TNR: variants seen among roughly 807,000 people sequenced by gnomAD.
TNR encodes tenascin-R.
TNR carries 45 observed loss-of-function variants against 150.4 expected under a neutral mutation model. That is an observed-to-expected ratio of 0.30 (90% confidence interval 0.24 to 0.38). The LOEUF is 0.38. TNR is among the 10% of genes least tolerant of loss of function. The pLI is 1.00. For missense variants in TNR, 1,544 were observed against 1,759.1 expected (o/e 0.88, Z 2.19); for synonymous variants, 687 against 678.4 (o/e 1.01, Z -0.20).
At chr1:175,503,706 G>A (rs772953524) in intron 2 of TNR, among the ~76,000 whole-genome samples, 2 of 152,156 alleles carry the variant, frequency 1.3e-5, no homozygotes, top group Non-Finnish European at 2.9e-5. Flanking sequence ...CTCCATTCAC[G>A]GAGCCGTGGA....
chr1:175,723,391 A>G (rs529265110), intron 1 of TNR, among the ~76,000 whole-genome samples: 7 of 152,294 alleles, frequency 4.6e-5, no homozygotes, highest in African/African-American at 9.6e-5. Flanking sequence ...ATCTCCACTC[A>G]GTCTCCAAAT....
At chr1:175,627,019 G>A (rs1334941392) in intron 1 of TNR, among the ~76,000 whole-genome samples, 1 of 152,168 alleles carries the variant, frequency 6.6e-6, no homozygotes, top group Non-Finnish European at 1.5e-5. Flanking sequence ...TCCTTCAGAG[G>A]AACCTAGATC....
rs1239351795 is a variant in TNR at position 175,393,867 on chromosome 1, A to T, written c.1269T>A (p.Phe423Leu). Reference protein sequence around the residue: ...THLSTPQGLQFKTITETTVEV... With the variant: ...THLSTPQGLQLKTITETTVEV... ...CCACGGTGGTCTCTGTGATCGTCTTAAATTGTAGCCCTTGAGGAGTGGAGA... is the reference window on the plus strand; with the variant it reads ...CCACGGTGGTCTCTGTGATCGTCTTTAATTGTAGCCCTTGAGGAGTGGAGA... The change falls in exon 6 of 23, where the codon TTT becomes TTA. Residue 423 changes from phenylalanine (F) to leucine (L), a missense_variant. Transcript: ENST00000367674. 6.2e-7 allele frequency: 1 copy of T among 1,614,194 alleles called. No homozygotes were observed. The highest frequency in any genetic ancestry group is 1.1e-5 in the South Asian group (1 of 91,086).
At chr1:175,460,384 G>T (rs1207194993) in intron 2 of TNR, among the ~76,000 whole-genome samples, 1 of 151,940 alleles carries the variant, frequency 6.6e-6, no homozygotes, top group African/African-American at 2.4e-5. Context: ...GCCACAGGAG[G>T]TCCCTCACTC....
At chr1:175,424,862 C>A (rs182282732) in intron 2 of TNR, among the ~76,000 whole-genome samples, 1 of 152,006 alleles carries the variant, frequency 6.6e-6, no homozygotes, top group African/African-American at 2.4e-5. Flanking sequence ...GTCTGGAGCA[C>A]GTGCTCAGAA....
At chr1:175,412,890 T>C (rs1275898373) in intron 2 of TNR, among the ~76,000 whole-genome samples, 1 of 152,228 alleles carries the variant, frequency 6.6e-6, no homozygotes, top group East Asian at 1.9e-4. Context: ...TAAGCTCATG[T>C]CACTTAATTA....
rs778578178 is a variant in TNR, at chr1:175,355,454, T to C, written c.3249+49A>G. On this transcript the variant is annotated intron_variant, in intron 17 of 22. Coordinates refer to ENST00000367674, the MANE Select transcript of TNR (RefSeq NM_003285.3). ...GTCACTCCACTAGTCAGTTTCCACA[T>C]GGCCTCACTTGGAAGAAATGGTCTT... 1.3e-5 allele frequency: 20 copies of C among 1,599,588 alleles called. No individual in the cohort carries two copies. The East Asian group carries it at 2.9e-4, about 23-fold the overall frequency.
intron 2 of TNR, among the ~76,000 whole-genome samples, chr1:175,415,538 C>T (rs1055754836): frequency 6.6e-6 from 1 of 152,242 alleles, no homozygotes; most frequent in Admixed American, 6.5e-5. Flanking sequence ...TGATGTATCC[C>T]CATGTGGGAA....
chr1:175,467,697 G>A (rs10912985), intron 2 of TNR, among the ~76,000 whole-genome samples: 81,609 of 151,874 alleles, frequency 0.54, 22,339 homozygotes, highest in East Asian at 0.66. Flanking sequence ...GATATCACAG[G>A]GCACAGAGGG....
chr1:175,395,507 T>C (rs1159965887), intron 5 of TNR, among the ~76,000 whole-genome samples: 1 of 152,160 alleles, frequency 6.6e-6, no homozygotes, highest in African/African-American at 2.4e-5. Context: ...TCATACCTCA[T>C]CTCCTTTGAA....
At chr1:175,341,687 C>T (rs1478761241) in intron 18 of TNR, among the ~76,000 whole-genome samples, 1 of 152,218 alleles carries the variant, frequency 6.6e-6, no homozygotes, top group Non-Finnish European at 1.5e-5. Context: ...TGGCAAGTGT[C>T]TGTCCACTTT....
At chr1:175,472,616 C>T (rs189292025) in intron 2 of TNR, among the ~76,000 whole-genome samples, 161 of 152,300 alleles carry the variant, frequency 1.1e-3, no homozygotes, top group Middle Eastern at 3.4e-3. Flanking sequence ...CTCTTATAAT[C>T]GTATGGGACC....
At chr1:175,668,593 G>T (rs767442900) in intron 1 of TNR, among the ~76,000 whole-genome samples, 2 of 152,118 alleles carry the variant, frequency 1.3e-5, no homozygotes, top group East Asian at 3.8e-4. Context: ...TGGCTGTCAC[G>T]AATACTGACA....
At chr1:175,726,744 C>T (rs372076539) in intron 1 of TNR, among the ~76,000 whole-genome samples, 1 of 152,144 alleles carries the variant, frequency 6.6e-6, no homozygotes, top group African/African-American at 2.4e-5. Flanking sequence ...AATGTGATCA[C>T]AAATTATTGC....
intron 1 of TNR, among the ~76,000 whole-genome samples, chr1:175,558,332 A>G (rs542562316): frequency 6.6e-6 from 1 of 152,226 alleles, no homozygotes; most frequent in East Asian, 1.9e-4. Context: ...TAAAATAATT[A>G]TCTTATATCT....
Position 175,403,191 on chromosome 1 carries a change from C to T in TNR, c.925G>A (p.Glu309Lys), listed in dbSNP as rs1653795093. The T allele has an allele frequency of 9.3e-6, 15 of 1,614,090 alleles. No individual in the cohort carries two copies. In the East Asian group the frequency reaches 3.3e-4, roughly 36 times the overall value. ...CCCTCTTCACAGACGCAGAGCCCCT[C>T]CTCACATTGTCCTCGCCCACTGCAG... ...NACSGRGQCE[E>K]GLCVCEEGYQ... The change falls in exon 4 of 23, where the codon GAG becomes AAG. Residue 309 changes from glutamate (E) to lysine (K), a missense_variant. Glu to Lys is a moderately conservative substitution (Grantham distance 56). Transcript: ENST00000367674.
rs770860170 is a variant in TNR, at chr1:175,322,610, C to T, written c.*747G>A. On this transcript the variant is annotated 3_prime_UTR_variant, in exon 23 of 23. Coordinates refer to ENST00000367674, the MANE Select transcript of TNR (RefSeq NM_003285.3). Reference sequence around the variant, plus strand: ...CTGGACAACACAGTGAGACCCCCATCTCTACAAAAAATAAAAGAAAAATCA... The same window carrying T: ...CTGGACAACACAGTGAGACCCCCATTTCTACAAAAAATAAAAGAAAAATCA... The T allele has an allele frequency of 6.6e-6, 1 of 152,340 alleles. No homozygotes were observed. Among genetic ancestry groups the T allele is most frequent in the Non-Finnish European group, 1.5e-5 (1 of 68,070 alleles). 9.4% of individuals were successfully genotyped at this position (152,340 alleles called of 1,614,324 possible).
chr1:175,686,367 A>G (rs922936631), intron 1 of TNR, among the ~76,000 whole-genome samples: 1 of 152,252 alleles, frequency 6.6e-6, no homozygotes, highest in Non-Finnish European at 1.5e-5. Flanking sequence ...GATGTGTCAT[A>G]GAGAGCACTA....
At chr1:175,458,559 G>C (rs922338293) in intron 2 of TNR, among the ~76,000 whole-genome samples, 1 of 152,186 alleles carries the variant, frequency 6.6e-6, no homozygotes, top group African/African-American at 2.4e-5. Flanking sequence ...CTGGGGTCTA[G>C]AGTAAGCAAG....
Sources: allele counts gnomAD v4.1 joint callset (sites outside exome capture counted in the v4.1 genomes callset), GRCh38; gene constraint gnomAD v4.1.1; transcripts MANE v1.5; gene names NCBI Gene and HGNC (gene_info 2026-07-23, HGNC 2026-07-21).